Variants in PLCH1 observed in about 807,000 individuals in gnomAD.
PLCH1 encodes the protein phospholipase C eta 1, also known as 1-phosphatidylinositol 4,5-bisphosphate phosphodiesterase eta-1.
In PLCH1, 60 loss-of-function variants were observed where a neutral mutation model predicts 126.7. The observed-to-expected ratio is 0.47, with a 90% CI of 0.38 to 0.59. The LOEUF (loss-of-function observed/expected upper bound fraction) is 0.59, where lower values mean the gene tolerates loss of function less well. PLCH1 is among the 20% of genes least tolerant of loss of function. The pLI, the probability that PLCH1 is intolerant of heterozygous loss-of-function variation, is 0.00. For missense variants in PLCH1, 1,723 were observed against 2,040.0 expected (o/e 0.84, Z 2.99); for synonymous variants, 719 against 734.9 (o/e 0.98, Z 0.35).
intron 22 of PLCH1, chr3:155,483,471 T>C: frequency 1.5e-6 from 1 of 665,102 alleles, no homozygotes; most frequent in South Asian, 3.1e-5. Context: ...GCTTTCAAAG[T>C]TATACATGTA....
intron 2 of PLCH1, among the ~76,000 whole-genome samples, chr3:155,632,508 A>G (rs1176685369): frequency 6.6e-6 from 1 of 152,154 alleles, no homozygotes; most frequent in East Asian, 1.9e-4. Flanking sequence ...TTAAAATGCA[A>G]TTTTTGCCTT....
chr3:155,735,683 A>G (rs1158390897), intron 1 of PLCH1, among the ~76,000 whole-genome samples: 3 of 152,102 alleles, frequency 2.0e-5, no homozygotes, highest in African/African-American at 7.2e-5. Context: ...TTCTTACAGC[A>G]AAAAAGAAAA....
At chr3:155,678,822 C>A (rs1437300508) in intron 2 of PLCH1, among the ~76,000 whole-genome samples, 1 of 152,132 alleles carries the variant, frequency 6.6e-6, no homozygotes. Flanking sequence ...ACCTTATAGA[C>A]CCTCATCAAC....
chr3:155,616,112 G>A (rs538186845), intron 2 of PLCH1, among the ~76,000 whole-genome samples: 2 of 152,146 alleles, frequency 1.3e-5, no homozygotes, highest in South Asian at 2.1e-4. Flanking sequence ...GAAAGAGTCC[G>A]ACATTATCTG....
intron 6 of PLCH1, among the ~76,000 whole-genome samples, chr3:155,574,876 T>C (rs894527326): frequency 5.9e-5 from 9 of 152,038 alleles, no homozygotes; most frequent in Non-Finnish European, 1.2e-4. Context: ...CATGCCTGTA[T>C]TCCCAGCACT....
chr3:155,544,149 G>C (rs903196565), intron 10 of PLCH1, among the ~76,000 whole-genome samples: 5 of 152,026 alleles, frequency 3.3e-5, no homozygotes, highest in Non-Finnish European at 7.4e-5. Context: ...CCCATCTCAC[G>C]TGCAGACACA....
rs1746578527 is a variant in PLCH1, at chr3:155,705,317, C to T, written c.-40-1053G>A. Among the ~76,000 whole-genome samples, 4 of 152,260 alleles carry T rather than the reference C, an allele frequency of 2.6e-5. No individual in the cohort carries two copies. The South Asian group carries it at 8.3e-4, about 32-fold the overall frequency. On this transcript the variant is annotated intron_variant, in intron 1 of 22. Transcript: ENST00000460012. Reference sequence around the variant, plus strand: ...TTCTCCTTGGCTCCCTATGGCCCAACCTTAACCCACAACACCAGGGATTTT... The same window carrying T: ...TTCTCCTTGGCTCCCTATGGCCCAATCTTAACCCACAACACCAGGGATTTT...
At chr3:155,523,124 A>G (rs538928607) in intron 11 of PLCH1, among the ~76,000 whole-genome samples, 258 of 151,980 alleles carry the variant, frequency 1.7e-3, no homozygotes, top group Middle Eastern at 3.4e-3. Flanking sequence ...ACAGGCGCCC[A>G]CCACCACGCC....
chr3:155,581,280 A>G (rs3863074), intron 6 of PLCH1, among the ~76,000 whole-genome samples: 6,998 of 152,290 alleles, frequency 0.046, 223 homozygotes, highest in Non-Finnish European at 0.064. Context: ...TAGGTGACCC[A>G]ACTTTTCCAC....
chr3:155,553,933 G>T (rs1726467957), intron 9 of PLCH1, 143 bp downstream of exon 9: 2 of 602,816 alleles, frequency 3.3e-6, no homozygotes, highest in African/African-American at 1.9e-5. Context: ...ACAATGTTTT[G>T]CTGAGAAGGA....
At chr3:155,537,223 A>AAAAAAAAAAAAAAC (rs1723543591) in intron 10 of PLCH1, among the ~76,000 whole-genome samples, 1 of 10,782 alleles carries the variant, frequency 9.3e-5, no homozygotes, top group Non-Finnish European at 9.9e-4. Flanking sequence ...AAAAAAAAAA[A>AAAAAAAAAAAAAAC]AAAAAAAAAA....
intron 11 of PLCH1, among the ~76,000 whole-genome samples, chr3:155,519,128 A>G (rs1468492809): frequency 1.3e-5 from 2 of 152,212 alleles, no homozygotes; most frequent in Admixed American, 6.5e-5. Flanking sequence ...TTAATATATT[A>G]TCATTCAGCC....
intron 8 of PLCH1, among the ~76,000 whole-genome samples, chr3:155,561,362 C>T (rs1727585815): frequency 6.7e-6 from 1 of 150,094 alleles, no homozygotes; most frequent in South Asian, 2.1e-4. Flanking sequence ...CAATTCCCAC[C>T]TATGAGTGAG....
At chr3:155,605,394 A>G (rs1032042841) in intron 2 of PLCH1, among the ~76,000 whole-genome samples, 1 of 152,244 alleles carries the variant, frequency 6.6e-6, no homozygotes, top group Non-Finnish European at 1.5e-5. Flanking sequence ...TTAAAAAATA[A>G]AAAAATAAAA....
At chr3:155,542,651 C>A (rs1259752974) in intron 10 of PLCH1, among the ~76,000 whole-genome samples, 1 of 152,200 alleles carries the variant, frequency 6.6e-6, no homozygotes, top group African/African-American at 2.4e-5. Flanking sequence ...TAGGGGCAGA[C>A]TGACACCTCA....
intron 14 of PLCH1, 29 bp downstream of exon 14, chr3:155,500,674 G>A (rs968378401): frequency 7.3e-7 from 1 of 1,374,670 alleles, no homozygotes. Context: ...TCAGGAGTGT[G>A]AGTAGGAAAC....
intron 6 of PLCH1, among the ~76,000 whole-genome samples, chr3:155,572,631 TTC>T (rs1729362440): frequency 1.3e-5 from 2 of 152,124 alleles, no homozygotes; most frequent in South Asian, 4.1e-4. Flanking sequence ...CCCTTCTATT[TTC>T]TCTTATTTTT....
At chr3:155,730,940 C>G (rs982249007) in intron 1 of PLCH1, among the ~76,000 whole-genome samples, 2 of 152,168 alleles carry the variant, frequency 1.3e-5, no homozygotes, top group Non-Finnish European at 2.9e-5. Flanking sequence ...AAATCCAGAA[C>G]CAAGAGGGCC....
chr3:155,634,484 A>G (rs772730055), intron 2 of PLCH1, among the ~76,000 whole-genome samples: 11 of 152,210 alleles, frequency 7.2e-5, no homozygotes, highest in Admixed American at 2.6e-4. Context: ...GCTTCAGGTC[A>G]CCATGACCAA....
Sources: allele counts gnomAD v4.1 joint callset (sites outside exome capture counted in the v4.1 genomes callset), GRCh38; gene constraint gnomAD v4.1.1; transcripts MANE v1.5; gene names NCBI Gene and HGNC (gene_info 2026-07-23, HGNC 2026-07-21).